AGBL1: variants seen among roughly 807,000 people sequenced by gnomAD.
AGBL1 encodes the protein cytosolic carboxypeptidase 4.
In AGBL1, 130 loss-of-function variants were observed where a neutral mutation model predicts 118.9. The observed-to-expected ratio is 1.09, with a 90% CI of 0.95 to 1.26. AGBL1 has a LOEUF of 1.26. AGBL1 is among the 50% of genes most tolerant of loss of function. The pLI, the probability that AGBL1 is intolerant of heterozygous loss-of-function variation, is 0.00. For missense variants in AGBL1, 1,584 were observed against 1,298.1 expected (o/e 1.22, Z -3.38); for synonymous variants, 555 against 478.9 (o/e 1.16, Z -2.08).
At chr15:86,656,252 CTA>C (rs897830975) in intron 21 of AGBL1, among the ~76,000 whole-genome samples, 2 of 152,120 alleles carry the variant, frequency 1.3e-5, no homozygotes, top group African/African-American at 4.8e-5. Context: ...GGGTGAGAAA[CTA>C]TGTACAATAT....
chr15:86,363,506 C>T (rs897548281), intron 17 of AGBL1, among the ~76,000 whole-genome samples: 3 of 152,188 alleles, frequency 2.0e-5, no homozygotes, highest in African/African-American at 7.2e-5. Context: ...TACATTTCCT[C>T]ACCTTCTGGA....
intron 17 of AGBL1, among the ~76,000 whole-genome samples, chr15:86,360,590 T>C (rs913913958): frequency 2.0e-5 from 3 of 152,008 alleles, no homozygotes; most frequent in East Asian, 1.9e-4. Flanking sequence ...TTTATCTTTT[T>C]TGGCAGAGTT....
downstream of AGBL1, among the ~76,000 whole-genome samples, chr15:87,030,398 G>C (rs1244574628): frequency 6.6e-6 from 1 of 151,976 alleles, no homozygotes; most frequent in Non-Finnish European, 1.5e-5. Flanking sequence ...GGGGCAGCTT[G>C]AACAGGTAAG....
intron 17 of AGBL1, among the ~76,000 whole-genome samples, chr15:86,383,057 A>T (rs2081133662): frequency 2.6e-5 from 4 of 152,038 alleles, no homozygotes; most frequent in Middle Eastern, 3.4e-3. Flanking sequence ...TCAGACTCTT[A>T]CATTTTCACC....
intron 15 of AGBL1, among the ~76,000 whole-genome samples, chr15:86,279,106 G>C (rs370627736): frequency 6.6e-6 from 1 of 152,178 alleles, no homozygotes; most frequent in African/African-American, 2.4e-5. Flanking sequence ...CCACATGATG[G>C]GTTGCTGCAA....
intron 21 of AGBL1, among the ~76,000 whole-genome samples, chr15:86,655,208 G>A (rs1033929273): frequency 6.6e-6 from 1 of 152,034 alleles, no homozygotes; most frequent in African/African-American, 2.4e-5. Flanking sequence ...AGGTGTGCAG[G>A]GCATTCAAAC....
chr15:86,761,546 C>T (rs1304173073), intron 22 of AGBL1, among the ~76,000 whole-genome samples: 5 of 152,004 alleles, frequency 3.3e-5, no homozygotes, highest in East Asian at 1.9e-4. Flanking sequence ...GGTAAATTTG[C>T]TTCCATTCAG....
At chr15:86,851,157 G>A (rs187044402) in intron 22 of AGBL1, among the ~76,000 whole-genome samples, 25 of 152,220 alleles carry the variant, frequency 1.6e-4, no homozygotes, top group East Asian at 1.9e-4. Flanking sequence ...TCCTGATAGC[G>A]TCACCCTCAT....
intron 5 of AGBL1, among the ~76,000 whole-genome samples, chr15:86,200,559 C>G (rs1400193888): frequency 1.0e-4 from 15 of 143,814 alleles, no homozygotes; most frequent in Non-Finnish European, 1.7e-4. Flanking sequence ...TACCCCCCCC[C>G]CCCTTTTTTT....
chr15:86,723,827 G>A (rs890423013), intron 22 of AGBL1, among the ~76,000 whole-genome samples: 1 of 152,108 alleles, frequency 6.6e-6, no homozygotes, highest in African/African-American at 2.4e-5. Context: ...GAGTGAAAAG[G>A]TGGCAGGACC....
intron 7 of AGBL1, among the ~76,000 whole-genome samples, 191 bp from the exon 8 acceptor site, chr15:86,256,662 C>A (rs1421339100): frequency 5.9e-5 from 9 of 152,318 alleles, no homozygotes; most frequent in Admixed American, 5.2e-4. Flanking sequence ...AGACAAAATT[C>A]TATGTTGGAA....
chr15:86,172,149 A>C (rs1396706783), intron 5 of AGBL1, among the ~76,000 whole-genome samples: 1 of 152,198 alleles, frequency 6.6e-6, no homozygotes, highest in East Asian at 1.9e-4. Flanking sequence ...GAACTTATTC[A>C]TGTAATCATC....
intron 22 of AGBL1, among the ~76,000 whole-genome samples, chr15:86,842,258 T>G (rs1478744070): frequency 6.6e-6 from 1 of 152,178 alleles, no homozygotes; most frequent in African/African-American, 2.4e-5. Context: ...CCTTGAGTGT[T>G]TTTGCTTTTA....
chr15:86,641,882 ATGTGCTTGGTCAG>A (rs1209347400), intron 21 of AGBL1, among the ~76,000 whole-genome samples: 1 of 152,170 alleles, frequency 6.6e-6, no homozygotes, highest in East Asian at 1.9e-4. Context: ...AGGCTCATGG[ATGTGCTTGGTCAG>A]TTGTGCTTTA....
chr15:86,743,663 T>C (rs1383731295), intron 22 of AGBL1, among the ~76,000 whole-genome samples: 1 of 152,142 alleles, frequency 6.6e-6, no homozygotes, highest in African/African-American at 2.4e-5. Flanking sequence ...AGGGCTAATG[T>C]AGGCCCAAGA....
chr15:86,144,610 G>T (rs1014589349), intron 3 of AGBL1, among the ~76,000 whole-genome samples: 5 of 152,148 alleles, frequency 3.3e-5, no homozygotes, highest in Non-Finnish European at 5.9e-5. Flanking sequence ...GGAGCTAAAT[G>T]ATGAGAACAT....
At position 86,264,571 on chromosome 15, in the gene AGBL1, C is replaced by T. The variant is rs1414439501; in HGVS notation, c.1400C>T (p.Ala467Val). 2 of 1,613,868 alleles carry T rather than the reference C, an allele frequency of 1.2e-6. No homozygotes were observed. The highest frequency in any genetic ancestry group is 1.7e-6 in the Non-Finnish European group (2 of 1,179,886). The change falls in exon 11 of 23, where the codon GCC becomes GTC. Residue 467 changes from alanine (A) to valine (V), a missense_variant. Ala to Val is a moderately conservative substitution (Grantham distance 64, BLOSUM62 0). Transcript: ENST00000614907. ...PDIQASPKAD[A>V]WDVDAIFCPR... Reference sequence around the variant, plus strand: ...ATTCAGGCTTCCCCGAAAGCAGATGCCTGGGACGTAGATGCAATTTTCTGC... The same window carrying T: ...ATTCAGGCTTCCCCGAAAGCAGATGTCTGGGACGTAGATGCAATTTTCTGC...
intron 1 of AGBL1, among the ~76,000 whole-genome samples, chr15:86,082,858 C>T (rs1436979773): frequency 6.6e-6 from 1 of 152,216 alleles, no homozygotes; most frequent in East Asian, 1.9e-4. Context: ...AGGAGGCAGG[C>T]AGCCCACAGC....
intron 18 of AGBL1, among the ~76,000 whole-genome samples, chr15:86,442,343 G>A (rs992335029): frequency 2.6e-5 from 4 of 152,158 alleles, no homozygotes; most frequent in African/African-American, 9.7e-5. Flanking sequence ...CTGGTTTCAG[G>A]TTCTGGTTTC....
Sources: allele counts gnomAD v4.1 joint callset (sites outside exome capture counted in the v4.1 genomes callset), GRCh38; gene constraint gnomAD v4.1.1; transcripts MANE v1.5; gene names NCBI Gene and HGNC (gene_info 2026-07-23, HGNC 2026-07-21).